SYNDIG1: variants seen among roughly 807,000 people sequenced by gnomAD.
The protein encoded by SYNDIG1 is synapse differentiation inducing 1.
In SYNDIG1, 9 loss-of-function variants were observed where a neutral mutation model predicts 19.4. That is an observed-to-expected ratio of 0.46 (90% confidence interval 0.28 to 0.81). The LOEUF (loss-of-function observed/expected upper bound fraction) is 0.81. Among genes scored for constraint, SYNDIG1 ranks in the 30% least tolerant of loss-of-function variants. The pLI is 0.12. For synonymous variants in SYNDIG1, 141 were observed against 145.9 expected (o/e 0.97, Z 0.24); for missense variants, 311 against 343.3 (o/e 0.91, Z 0.74).
chr20:24,617,648 T>C (rs913524518), intron 3 of SYNDIG1, among the ~76,000 whole-genome samples: 1 of 151,850 alleles, frequency 6.6e-6, no homozygotes, highest in Non-Finnish European at 1.5e-5. Context: ...TTTTGTCCTC[T>C]GAGATTTACC....
At chr20:24,530,576 A>G (rs2057234861) in intron 1 of SYNDIG1, among the ~76,000 whole-genome samples, 1 of 152,198 alleles carries the variant, frequency 6.6e-6, no homozygotes, top group Admixed American at 6.5e-5. Flanking sequence ...TTGGTGAATT[A>G]CACGTATCAT....
intron 3 of SYNDIG1, among the ~76,000 whole-genome samples, chr20:24,603,109 A>G (rs1300843089): frequency 6.6e-6 from 1 of 152,164 alleles, no homozygotes; most frequent in Non-Finnish European, 1.5e-5. Context: ...AATCTGCCAC[A>G]TTGTAGGTGC....
chr20:24,504,926 C>T (rs941682881), intron 1 of SYNDIG1, among the ~76,000 whole-genome samples: 4 of 152,172 alleles, frequency 2.6e-5, no homozygotes, highest in Non-Finnish European at 4.4e-5. Flanking sequence ...ACTAGGAAAT[C>T]GTTGAAGTGG....
intron 1 of SYNDIG1, among the ~76,000 whole-genome samples, chr20:24,512,087 T>G (rs2146466364): frequency 7.4e-6 from 1 of 135,924 alleles, no homozygotes; most frequent in South Asian, 2.4e-4. Context: ...ATGGCAGCCA[T>G]GAGGCACCAT....
chr20:24,633,812 C>T (rs995239674), intron 3 of SYNDIG1, among the ~76,000 whole-genome samples: 13 of 152,084 alleles, frequency 8.5e-5, no homozygotes, highest in Admixed American at 6.5e-4. Context: ...GGACCAGGCT[C>T]TTGGTTAGGA....
At chr20:24,557,675 C>T (rs1311981395) in intron 2 of SYNDIG1, among the ~76,000 whole-genome samples, 10 of 152,148 alleles carry the variant, frequency 6.6e-5, no homozygotes, top group African/African-American at 2.4e-4. Flanking sequence ...AGTTTTGTCT[C>T]AGAGGAGTAC....
chr20:24,545,763 A>T (rs2146747434), intron 2 of SYNDIG1, among the ~76,000 whole-genome samples: 1 of 152,314 alleles, frequency 6.6e-6, no homozygotes, highest in South Asian at 2.1e-4. Context: ...TGCTTCTCTG[A>T]TCTAGCAGCA....
At chr20:24,516,252 C>T (rs1366439710) in intron 1 of SYNDIG1, among the ~76,000 whole-genome samples, 2 of 152,168 alleles carry the variant, frequency 1.3e-5, no homozygotes, top group Non-Finnish European at 2.9e-5. Flanking sequence ...TAGGCAATAC[C>T]ATTCAGGACA....
chr20:24,632,247 T>C (rs1178114872), intron 3 of SYNDIG1, among the ~76,000 whole-genome samples: 2 of 152,186 alleles, frequency 1.3e-5, no homozygotes, highest in East Asian at 3.8e-4. Flanking sequence ...TTTATTTTAT[T>C]TTATTTTATT....
At chr20:24,503,134 C>T (rs2056496411) in intron 1 of SYNDIG1, among the ~76,000 whole-genome samples, 1 of 152,200 alleles carries the variant, frequency 6.6e-6, no homozygotes. Context: ...TGCCCTCATT[C>T]TTCTCATTCC....
chr20:24,640,406 G>A lies in SYNDIG1; in HGVS notation c.619-24940G>A, dbSNP rs866083487. Among the ~76,000 whole-genome samples, 3 of 148,916 alleles carry A rather than the reference G, an allele frequency of 2.0e-5. No homozygotes were observed. In the South Asian group the frequency reaches 6.5e-4, roughly 32 times the overall value. On this transcript the variant is annotated intron_variant, in intron 3 of 3. Transcript: ENST00000376862. ...AAGGGAGGGAGAAAAAGAAAAGAAA[G>A]TGAGAGAGGGAGAAAAAAGGAAGAA...
intron 3 of SYNDIG1, among the ~76,000 whole-genome samples, chr20:24,623,025 G>T (rs139876931): frequency 6.6e-4 from 100 of 152,236 alleles, no homozygotes; most frequent in African/African-American, 2.3e-3. Flanking sequence ...TAAAACTACT[G>T]CAGACTTCTC....
chr20:24,557,377 C>T (rs572526131), intron 2 of SYNDIG1, among the ~76,000 whole-genome samples: 5 of 152,310 alleles, frequency 3.3e-5, no homozygotes, highest in South Asian at 2.1e-4. Context: ...GGAGGAGAGG[C>T]GCTCTGCTTT....
chr20:24,539,983 T>C (rs888943898), intron 1 of SYNDIG1, among the ~76,000 whole-genome samples: 5 of 152,116 alleles, frequency 3.3e-5, no homozygotes, highest in Admixed American at 6.6e-5. Flanking sequence ...TTCACCATGA[T>C]GTTGGCCAGG....
At chr20:24,516,417 T>G (rs1003120004) in intron 1 of SYNDIG1, among the ~76,000 whole-genome samples, 1 of 152,052 alleles carries the variant, frequency 6.6e-6, no homozygotes, top group African/African-American at 2.4e-5. Flanking sequence ...GGGAGAAAAT[T>G]TTTGCAATCT....
chr20:24,469,922 CG>C (rs1196429902), intron 1 of SYNDIG1, among the ~76,000 whole-genome samples, 169 bp downstream of exon 1: 2 of 151,846 alleles, frequency 1.3e-5, no homozygotes, highest in African/African-American at 4.8e-5. Context: ...GCGTGGCGCC[CG>C]CGGTAAGTCC....
chr20:24,657,097 C>G (rs2059533261), intron 3 of SYNDIG1, among the ~76,000 whole-genome samples: 1 of 152,174 alleles, frequency 6.6e-6, no homozygotes, highest in South Asian at 2.1e-4. Context: ...GATGCTGGCG[C>G]CATGTTTCCT....
intron 1 of SYNDIG1, among the ~76,000 whole-genome samples, chr20:24,512,305 T>C (rs2056764689): frequency 1.3e-5 from 2 of 150,316 alleles, no homozygotes; most frequent in African/African-American, 4.9e-5. Context: ...GGACAGTGGG[T>C]ACAGCCCACT....
At chr20:24,491,322 C>T (rs2056141535) in intron 1 of SYNDIG1, 1 of 152,206 alleles carries the variant, frequency 6.6e-6, no homozygotes, top group Non-Finnish European at 1.5e-5. Context: ...GGAGAGCAGC[C>T]AGGAGAGGAC....
Sources: gnomAD v4.1 joint callset for allele counts (sites outside exome capture counted in the v4.1 genomes callset) on GRCh38, gnomAD v4.1.1 for gene constraint, MANE v1.5 for transcripts, NCBI Gene and HGNC (gene_info 2026-07-23, HGNC 2026-07-21) for gene names.